Variants in SCAPER observed in about 807,000 individuals in gnomAD.
SCAPER encodes S phase cyclin A-associated protein in the endoplasmic reticulum.
SCAPER carries 98 observed loss-of-function variants against 182.2 expected under a neutral mutation model. That is an observed-to-expected ratio of 0.54 (90% confidence interval 0.46 to 0.64). SCAPER has a LOEUF of 0.64. SCAPER is among the 30% of genes least tolerant of loss of function. The probability of loss-of-function intolerance (pLI) is 0.00; values close to 1 mark genes in which losing one functional copy is unlikely to be tolerated. For missense variants in SCAPER, 1,432 were observed against 1,690.0 expected (o/e 0.85, Z 2.68); for synonymous variants, 605 against 564.6 (o/e 1.07, Z -1.01).
At chr15:76,614,338 C>T (rs1475300151) in intron 22 of SCAPER, among the ~76,000 whole-genome samples, 2 of 152,098 alleles carry the variant, frequency 1.3e-5, no homozygotes, top group Non-Finnish European at 2.9e-5. Flanking sequence ...AACAAATCCC[C>T]ATGGCACAAG....
At chr15:76,733,965 A>G (rs1011140835) in intron 15 of SCAPER, among the ~76,000 whole-genome samples, 5 of 152,226 alleles carry the variant, frequency 3.3e-5, no homozygotes, top group African/African-American at 1.2e-4. Flanking sequence ...AACATTTTTA[A>G]GTGAAGAAAC....
intron 21 of SCAPER, among the ~76,000 whole-genome samples, chr15:76,643,377 G>T (rs1169152070): frequency 6.6e-6 from 1 of 152,028 alleles, no homozygotes; most frequent in Non-Finnish European, 1.5e-5. Flanking sequence ...AGGAAGTGTG[G>T]GTCTTTAGAA....
chr15:76,426,389 G>T (rs1356107706), intron 26 of SCAPER, among the ~76,000 whole-genome samples: 1 of 152,146 alleles, frequency 6.6e-6, no homozygotes, highest in Non-Finnish European at 1.5e-5. Context: ...AGGCTCCATG[G>T]GTGTGGGACC....
chr15:76,608,538 T>C, intron 22 of SCAPER, among the ~76,000 whole-genome samples: 1 of 152,154 alleles, frequency 6.6e-6, no homozygotes. Context: ...CTACTCTCTT[T>C]AAAGCTGCCA....
Position 76,771,778 on chromosome 15 carries a change from C to A in SCAPER, c.1212G>T (p.Arg404Ser). The change falls in exon 10 of 32, where the codon AGG (arginine) becomes AGT (serine). Residue 404 changes from arginine (R) to serine (S), a missense_variant. By Grantham distance (110) the Arg-to-Ser change is moderately radical. This residue lies in a region of SCAPER where 480 missense variants were observed against 510.2 expected (regional missense o/e 0.94). Transcript: ENST00000563290. ...NEEKFPAEKARIENEMDPSDI... is the reference protein window; with the variant it reads ...NEEKFPAEKASIENEMDPSDI... ...CTGAAGGGTCCATTTCATTTTCTAT[C>A]CTTGCTTTCTCTGCTGGAAATTTTT... is the stretch of plus-strand genomic sequence containing the variant. The A allele has an allele frequency of 6.2e-7, 1 of 1,613,066 alleles. No homozygotes were observed. The highest frequency in any genetic ancestry group is 1.3e-5 in the African/African-American group (1 of 74,996).
intron 1 of SCAPER, among the ~76,000 whole-genome samples, chr15:76,887,573 C>A (rs572846664): frequency 6.6e-6 from 1 of 152,328 alleles, no homozygotes; most frequent in Admixed American, 6.5e-5. Context: ...CTAAGATCAA[C>A]CTGCAAGGCT....
chr15:76,625,015 G>A (rs976065798), intron 21 of SCAPER, among the ~76,000 whole-genome samples: 3 of 152,148 alleles, frequency 2.0e-5, no homozygotes, highest in Non-Finnish European at 4.4e-5. Flanking sequence ...GAACCCCCAC[G>A]GTGATGGCAA....
chr15:76,572,068 G>T (rs2047469669), intron 23 of SCAPER, among the ~76,000 whole-genome samples: 2 of 152,134 alleles, frequency 1.3e-5, no homozygotes, highest in South Asian at 4.1e-4. Flanking sequence ...CTGGGAGCCA[G>T]ACAACATTTT....
intron 6 of SCAPER, among the ~76,000 whole-genome samples, chr15:76,802,709 A>G (rs1174826608): frequency 2.0e-5 from 3 of 152,168 alleles, no homozygotes; most frequent in Non-Finnish European, 4.4e-5. Context: ...AGGATGAGAT[A>G]AAAGATGCCT....
At chr15:76,707,787 C>T (rs571432876) in intron 17 of SCAPER, among the ~76,000 whole-genome samples, 1 of 152,126 alleles carries the variant, frequency 6.6e-6, no homozygotes, top group Non-Finnish European at 1.5e-5. Context: ...CATCCAACAA[C>T]AGCAGAATGC....
chr15:76,444,454 T>C (rs2047851426), intron 25 of SCAPER, among the ~76,000 whole-genome samples: 2 of 152,298 alleles, frequency 1.3e-5, no homozygotes, highest in South Asian at 4.1e-4. Context: ...GTTTTCCCTC[T>C]CTCCTCACTG....
intron 24 of SCAPER, among the ~76,000 whole-genome samples, chr15:76,500,118 A>C (rs1365910888): frequency 6.6e-6 from 1 of 152,208 alleles, no homozygotes; most frequent in Non-Finnish European, 1.5e-5. Flanking sequence ...GTTTGGCCCA[A>C]GGTCATATAG....
intron 26 of SCAPER, among the ~76,000 whole-genome samples, chr15:76,423,547 T>C (rs2046203608): frequency 6.6e-6 from 1 of 152,214 alleles, no homozygotes; most frequent in African/African-American, 2.4e-5. Flanking sequence ...TCTGTCAATT[T>C]TGTTGATCTT....
chr15:76,667,673 C>T (rs1381465565), intron 20 of SCAPER, among the ~76,000 whole-genome samples: 1 of 129,240 alleles, frequency 7.7e-6, no homozygotes, highest in Non-Finnish European at 1.6e-5. Context: ...CGCTCCTCAG[C>T]CAGAACAGCA....
chr15:76,399,670 C>T (rs1186484026), intron 27 of SCAPER, among the ~76,000 whole-genome samples: 4 of 152,156 alleles, frequency 2.6e-5, no homozygotes, highest in Non-Finnish European at 5.9e-5. Context: ...CAAAGACTAA[C>T]AGCACAAATT....
intron 21 of SCAPER, among the ~76,000 whole-genome samples, chr15:76,656,260 CA>C (rs1197998757): frequency 6.6e-6 from 1 of 151,914 alleles, no homozygotes; most frequent in African/African-American, 2.4e-5. Flanking sequence ...ACCGTAATTC[CA>C]GAAAAAAATA....
intron 5 of SCAPER, among the ~76,000 whole-genome samples, chr15:76,824,358 TC>T (rs1243117271): frequency 6.6e-6 from 1 of 152,200 alleles, no homozygotes; most frequent in East Asian, 1.9e-4. Context: ...GTTGGCGCCA[TC>T]CCTTTGTCCT....
At chr15:76,510,145 C>T (rs1256572303) in intron 23 of SCAPER, among the ~76,000 whole-genome samples, 1 of 152,112 alleles carries the variant, frequency 6.6e-6, no homozygotes, top group Non-Finnish European at 1.5e-5. Context: ...ATCGGAAAAA[C>T]TCTTCTAGAC....
At chr15:76,360,352 T>C (rs1463042646) in intron 29 of SCAPER, among the ~76,000 whole-genome samples, 1 of 152,232 alleles carries the variant, frequency 6.6e-6, no homozygotes, top group Non-Finnish European at 1.5e-5. Context: ...GGGATGACTA[T>C]ACTCTTACAA....
Sources: gnomAD v4.1 joint callset for allele counts (sites outside exome capture counted in the v4.1 genomes callset) on GRCh38, gnomAD v4.1.1 for gene constraint, gnomAD v4.1.1 regional missense constraint, MANE v1.5 for transcripts, NCBI Gene and HGNC (gene_info 2026-07-23, HGNC 2026-07-21) for gene names.